The following MAGI1 variants were observed in gnomAD, a reference collection of about 807,000 sequenced individuals.
MAGI1 encodes membrane-associated guanylate kinase, WW and PDZ domain-containing protein 1.
A neutral mutation model predicts 139.9 loss-of-function variants in MAGI1; 58 were observed. That is an observed-to-expected ratio of 0.41 (90% CI 0.34 to 0.52). The LOEUF (loss-of-function observed/expected upper bound fraction) is 0.52, where lower values mean the gene tolerates loss of function less well. Ranked by LOEUF, MAGI1 falls within the 20% of genes least tolerant of loss-of-function variation. MAGI1 has a pLI of 0.12. For missense variants in MAGI1, 1,874 were observed against 1,901.6 expected, an observed-to-expected ratio of 0.99 and a Z score of 0.27; for synonymous variants, 812 against 737.9, an observed-to-expected ratio of 1.10 and a Z score of -1.63.
chr3:65,693,174 T>C (rs535820045), intron 1 of MAGI1, among the ~76,000 whole-genome samples: 17 of 152,128 alleles, frequency 1.1e-4, no homozygotes, highest in Non-Finnish European at 2.4e-4. Context: ...GGAACTCCCA[T>C]GTTCAACCAA....
At chr3:65,557,546 T>C (rs909089095) in intron 2 of MAGI1, among the ~76,000 whole-genome samples, 3 of 152,214 alleles carry the variant, frequency 2.0e-5, no homozygotes, top group African/African-American at 7.2e-5. Context: ...TTTAGCTTTC[T>C]CAGTAAGCAA....
At chr3:65,931,950 A>G (rs1322658361) in intron 1 of MAGI1, among the ~76,000 whole-genome samples, 1 of 152,170 alleles carries the variant, frequency 6.6e-6, no homozygotes, top group East Asian at 1.9e-4. Context: ...TAATACTATC[A>G]CATTTTTAAA....
chr3:65,905,652 T>G (rs1490676996), intron 1 of MAGI1, among the ~76,000 whole-genome samples: 4 of 152,178 alleles, frequency 2.6e-5, no homozygotes, highest in Admixed American at 1.3e-4. Flanking sequence ...TTCTAAATTC[T>G]AAGTCTCAAT....
At chr3:65,383,400 C>T (rs1943206233) in intron 15 of MAGI1, 132 bp downstream of exon 15, 5 of 670,804 alleles carry the variant, frequency 7.5e-6, no homozygotes, top group Admixed American at 5.2e-5. Flanking sequence ...AATGAGAAAC[C>T]CACACTACTC....
chr3:65,876,617 A>G (rs2060127888), intron 1 of MAGI1, among the ~76,000 whole-genome samples: 1 of 152,190 alleles, frequency 6.6e-6, no homozygotes, highest in South Asian at 2.1e-4. Context: ...AACAGCTTAC[A>G]GAGTTAAAGG....
chr3:65,943,045 T>C (rs1299611033), intron 1 of MAGI1, among the ~76,000 whole-genome samples: 1 of 152,134 alleles, frequency 6.6e-6, no homozygotes, highest in Non-Finnish European at 1.5e-5. Flanking sequence ...TTGTAAAATG[T>C]TCACAATACT....
intron 2 of MAGI1, among the ~76,000 whole-genome samples, chr3:65,533,377 T>C (rs1327862499): frequency 6.6e-6 from 1 of 152,124 alleles, no homozygotes; most frequent in Non-Finnish European, 1.5e-5. Flanking sequence ...ACTGAAGGAA[T>C]AGATAAGCTG....
In MAGI1 at chr3:65,413,581, T is replaced by C. The variant is rs541519255; in HGVS notation, c.2168-12111A>G. Among the ~76,000 whole-genome samples, 67 of 152,206 alleles carry C rather than the reference T, an allele frequency of 4.4e-4. 1 individual carries two copies. The highest frequency in any genetic ancestry group is 2.9e-4 in the Non-Finnish European group (20 of 68,040). Reference sequence around the variant, plus strand: ...GTATCTGAACTGGTCTAAGTGATTATGTGACTTAGAGGGAAAAAAGCTGTT... The same window carrying C: ...GTATCTGAACTGGTCTAAGTGATTACGTGACTTAGAGGGAAAAAAGCTGTT... On this transcript the variant is annotated intron_variant, in intron 12 of 22. Coordinates refer to ENST00000402939, the MANE Select transcript of MAGI1 (RefSeq NM_001033057.2).
At chr3:65,736,225 A>G (rs368619432) in intron 1 of MAGI1, among the ~76,000 whole-genome samples, 1 of 152,234 alleles carries the variant, frequency 6.6e-6, no homozygotes, top group Admixed American at 6.5e-5. Flanking sequence ...AACCTGTAAG[A>G]AAAGTTCCCA....
intron 1 of MAGI1, among the ~76,000 whole-genome samples, chr3:65,913,237 C>G (rs1162481181): frequency 1.3e-5 from 2 of 152,066 alleles, no homozygotes; most frequent in Admixed American, 6.6e-5. Context: ...GAACTCCAGC[C>G]TGAGCAACAG....
At chr3:65,477,225 T>C (rs1486713827) in intron 4 of MAGI1, among the ~76,000 whole-genome samples, 1 of 152,206 alleles carries the variant, frequency 6.6e-6, no homozygotes, top group Non-Finnish European at 1.5e-5. Flanking sequence ...TTTGATAAAT[T>C]TTAGTCCTCT....
chr3:65,551,607 C>T (rs2079837863), intron 2 of MAGI1, among the ~76,000 whole-genome samples: 2 of 152,326 alleles, frequency 1.3e-5, no homozygotes, highest in African/African-American at 4.8e-5. Flanking sequence ...GCCCACTTTC[C>T]TTTATAAATT....
At chr3:65,807,022 C>T (rs1031302465) in intron 1 of MAGI1, among the ~76,000 whole-genome samples, 13 of 152,132 alleles carry the variant, frequency 8.5e-5, no homozygotes, top group African/African-American at 2.7e-4. Context: ...GATGCTATGC[C>T]AAGTACTTTA....
intron 12 of MAGI1, among the ~76,000 whole-genome samples, chr3:65,407,499 T>C (rs189308048): frequency 4.1e-5 from 6 of 147,160 alleles, no homozygotes; most frequent in Admixed American, 4.1e-4. Flanking sequence ...GAGGACTGAG[T>C]AGAGAGATGT....
intron 1 of MAGI1, among the ~76,000 whole-genome samples, chr3:65,998,096 C>G (rs1333843238): frequency 1.4e-5 from 2 of 146,090 alleles, no homozygotes; most frequent in Admixed American, 7.0e-5. Flanking sequence ...GAGCTAGACT[C>G]TGTCTCGGGA....
At chr3:65,470,511 G>GAC (rs775950579) in intron 4 of MAGI1, 27 bp from the exon 5 acceptor site, 3 of 1,380,586 alleles carry the variant, frequency 2.2e-6, no homozygotes, top group Non-Finnish European at 9.8e-7. Flanking sequence ...AGAGGTGAGA[G>GAC]AGAGAGAGAG....
intron 1 of MAGI1, among the ~76,000 whole-genome samples, chr3:65,645,304 G>A (rs908823182): frequency 1.3e-5 from 2 of 152,040 alleles, no homozygotes; most frequent in Non-Finnish European, 2.9e-5. Context: ...AAAGCAGTGA[G>A]AGAAATACTA....
At chr3:65,775,773 C>G (rs939328711) in intron 1 of MAGI1, among the ~76,000 whole-genome samples, 1 of 151,812 alleles carries the variant, frequency 6.6e-6, no homozygotes, top group Non-Finnish European at 1.5e-5. Flanking sequence ...AAAACCATGT[C>G]TCTACCAAAA....
At chr3:65,644,592 G>T (rs571793722) in intron 1 of MAGI1, among the ~76,000 whole-genome samples, 1 of 151,878 alleles carries the variant, frequency 6.6e-6, no homozygotes, top group African/African-American at 2.4e-5. Flanking sequence ...AAGATAAATA[G>T]AAATTTTAGA....
Sources: allele counts gnomAD v4.1 joint callset (sites outside exome capture counted in the v4.1 genomes callset), GRCh38; gene constraint gnomAD v4.1.1; transcripts MANE v1.5; gene names NCBI Gene and HGNC (gene_info 2026-07-23, HGNC 2026-07-21).